NRXN1: variants seen among roughly 807,000 people sequenced by gnomAD.
NRXN1 encodes neurexin-1.
Under a neutral mutation model 150.9 loss-of-function variants are expected in NRXN1, and 39 were observed. The ratio of observed to expected loss-of-function variants is 0.26; its 90% CI spans 0.20 to 0.34. NRXN1 has a LOEUF of 0.34. Among genes scored for constraint, NRXN1 ranks in the 10% least tolerant of loss-of-function variants. The pLI is 1.00. For missense variants in NRXN1, 1,815 were observed against 1,949.9 expected, an observed-to-expected ratio of 0.93 and a Z score of 1.30; for synonymous variants, 924 against 757.0, an observed-to-expected ratio of 1.22 and a Z score of -3.62.
intron 18 of NRXN1, among the ~76,000 whole-genome samples, chr2:50,124,051 C>T (rs1405569967): frequency 6.6e-6 from 1 of 151,994 alleles, no homozygotes; most frequent in East Asian, 1.9e-4. Flanking sequence ...AGGCCCAGAC[C>T]TGAGCTCTCA....
chr2:50,989,746 A>C (rs552653304), intron 2 of NRXN1, among the ~76,000 whole-genome samples: 1 of 152,178 alleles, frequency 6.6e-6, no homozygotes, highest in African/African-American at 2.4e-5. Context: ...TTATAAATAA[A>C]ACCACTCTAA....
intron 5 of NRXN1, among the ~76,000 whole-genome samples, chr2:50,902,569 T>C (rs780642571): frequency 7.9e-5 from 12 of 152,148 alleles, no homozygotes; most frequent in African/African-American, 1.2e-4. Context: ...ACTGGATGTA[T>C]TGAGAAACAG....
At chr2:50,845,963 G>A (rs888006147) in intron 5 of NRXN1, among the ~76,000 whole-genome samples, 1 of 152,178 alleles carries the variant, frequency 6.6e-6, no homozygotes, top group African/African-American at 2.4e-5. Context: ...GCAATCAACT[G>A]CTAATAGCAC....
Position 51,028,064 on chromosome 2 carries a change from G to C in NRXN1, c.210C>G (p.Phe70Leu). 1.3e-6 allele frequency: 2 copies of C among 1,597,280 alleles called. No individual in the cohort carries two copies. The highest frequency in any genetic ancestry group is 1.1e-5 in the South Asian group (1 of 90,492). Reference sequence around the variant, plus strand: ...GGAAGTCGCAGAAGCCCTCGTCGTCGAAGTAGAGCACGAGGCCGCGGGCGC... The same window carrying C: ...GGAAGTCGCAGAAGCCCTCGTCGTCCAAGTAGAGCACGAGGCCGCGGGCGC... ...TRSARGLVLYFDDEGFCDFLE... is the reference protein window; with the variant it reads ...TRSARGLVLYLDDEGFCDFLE... The change falls in exon 2 of 23, where the codon TTC becomes TTG. Residue 70 changes from phenylalanine (F) to leucine (L), a missense_variant. Physicochemically the swap from Phe to Leu is conservative, Grantham distance 22. Around this residue, in one of 6 missense-constraint regions of NRXN1, gnomAD observed 554 missense variants for 478.8 expected, o/e 1.16. Coordinates refer to ENST00000401669, the MANE Select transcript of NRXN1 (RefSeq NM_001330078.2).
At chr2:50,769,935 A>T (rs926172391) in intron 5 of NRXN1, among the ~76,000 whole-genome samples, 2 of 152,228 alleles carry the variant, frequency 1.3e-5, no homozygotes, top group African/African-American at 4.8e-5. Context: ...TGGGAATTGT[A>T]CTGTCTGCCA....
At chr2:50,867,135 CTTTTG>C (rs1559370422) in intron 5 of NRXN1, among the ~76,000 whole-genome samples, 1 of 151,844 alleles carries the variant, frequency 6.6e-6, no homozygotes, top group African/African-American at 2.4e-5. Context: ...GAGCTTTTTA[CTTTTG>C]TTTTTTCACT....
At chr2:50,268,908 T>C (rs1272755096) in intron 17 of NRXN1, among the ~76,000 whole-genome samples, 1 of 152,192 alleles carries the variant, frequency 6.6e-6, no homozygotes, top group Non-Finnish European at 1.5e-5. Context: ...TCTACGTTAA[T>C]GAAACGATGC....
intron 10 of NRXN1, among the ~76,000 whole-genome samples, chr2:50,534,415 TA>T (rs1373931096): frequency 1.3e-5 from 2 of 152,062 alleles, no homozygotes; most frequent in East Asian, 1.9e-4. Context: ...TATAATATCA[TA>T]TTTTTTTCCA....
chr2:50,216,597 G>C (rs1339051058), intron 18 of NRXN1, among the ~76,000 whole-genome samples: 2 of 151,874 alleles, frequency 1.3e-5, no homozygotes, highest in Non-Finnish European at 2.9e-5. Flanking sequence ...CATGCCAACA[G>C]ATAGAGTTTT....
intron 8 of NRXN1, among the ~76,000 whole-genome samples, chr2:50,600,321 C>CTTTTTT (rs779234312): frequency 1.7e-5 from 2 of 120,236 alleles, no homozygotes; most frequent in Admixed American, 9.0e-5. Flanking sequence ...TTAAGACTAG[C>CTTTTTT]TTTTTTTTTT....
At chr2:50,535,856 C>T (rs942553869) in intron 10 of NRXN1, among the ~76,000 whole-genome samples, 2 of 152,112 alleles carry the variant, frequency 1.3e-5, no homozygotes, top group South Asian at 2.1e-4. Flanking sequence ...ATCCAAGGAG[C>T]TGAACATGTT....
intron 18 of NRXN1, among the ~76,000 whole-genome samples, chr2:50,103,760 C>T (rs1701284766): frequency 6.6e-6 from 1 of 151,924 alleles, no homozygotes; most frequent in African/African-American, 2.4e-5. Context: ...CATTGTTTGC[C>T]TGGAAAAGCA....
At chr2:50,313,294 A>C (rs2075327583) in intron 17 of NRXN1, among the ~76,000 whole-genome samples, 1 of 151,992 alleles carries the variant, frequency 6.6e-6, no homozygotes, top group African/African-American at 2.4e-5. Flanking sequence ...AGCTCTCACG[A>C]TTATACTATT....
At chr2:50,562,958 T>C (rs1309935481) in intron 8 of NRXN1, among the ~76,000 whole-genome samples, 2 of 152,138 alleles carry the variant, frequency 1.3e-5, no homozygotes, top group African/African-American at 4.8e-5. Flanking sequence ...GTTTATACGT[T>C]ATAAACATTA....
At chr2:50,248,137 T>C (rs2066682633) in intron 17 of NRXN1, among the ~76,000 whole-genome samples, 1 of 152,056 alleles carries the variant, frequency 6.6e-6, no homozygotes, top group Non-Finnish European at 1.5e-5. Flanking sequence ...CTCAGCCTCC[T>C]GAGTAGCTGG....
At chr2:50,017,053 C>G (rs1012775009) in intron 21 of NRXN1, among the ~76,000 whole-genome samples, 1 of 152,074 alleles carries the variant, frequency 6.6e-6, no homozygotes, top group Non-Finnish European at 1.5e-5. Flanking sequence ...AGGATGTGTT[C>G]CAGCTCACAG....
chr2:50,046,410 C>T (rs1175015850), intron 21 of NRXN1, among the ~76,000 whole-genome samples: 1 of 152,166 alleles, frequency 6.6e-6, no homozygotes, highest in East Asian at 1.9e-4. Context: ...TTCACAGCTA[C>T]TCTTCAAGGG....
At chr2:50,441,468 T>C (rs13407013) in intron 17 of NRXN1, among the ~76,000 whole-genome samples, 48,193 of 151,984 alleles carry the variant, frequency 0.32, 8,076 homozygotes, top group East Asian at 0.47. Context: ...TTTACTTTAG[T>C]ATGATATTAA....
intron 21 of NRXN1, among the ~76,000 whole-genome samples, chr2:49,961,314 A>G (rs931112223): frequency 2.1e-5 from 3 of 146,294 alleles, no homozygotes; most frequent in Non-Finnish European, 1.5e-5. Flanking sequence ...ATGCCTGCGC[A>G]CGCATGCACA....
Sources: gnomAD v4.1 joint callset for allele counts (sites outside exome capture counted in the v4.1 genomes callset) on GRCh38, gnomAD v4.1.1 for gene constraint, gnomAD v4.1.1 regional missense constraint, MANE v1.5 for transcripts, NCBI Gene and HGNC (gene_info 2026-07-23, HGNC 2026-07-21) for gene names.